PCDHA4: variants seen among roughly 807,000 people sequenced by gnomAD.
The protein encoded by PCDHA4 is protocadherin alpha 4.
PCDHA4 carries 49 observed loss-of-function variants against 61.4 expected under a neutral mutation model. The observed-to-expected ratio is 0.80, with a 90% CI of 0.63 to 1.01. The LOEUF (loss-of-function observed/expected upper bound fraction) is 1.01, where lower values mean the gene tolerates loss of function less well. PCDHA4 is among the 50% of genes least tolerant of loss of function. PCDHA4 has a pLI of 0.00. For synonymous variants in PCDHA4, 590 were observed against 550.3 expected (o/e 1.07, Z -1.01); for missense variants, 1,254 against 1,235.8 (o/e 1.01, Z -0.22).
intron 1 of PCDHA4, among the ~76,000 whole-genome samples, chr5:140,910,377 C>T (rs1053075333): frequency 6.6e-6 from 1 of 152,244 alleles, no homozygotes; most frequent in East Asian, 1.9e-4. Flanking sequence ...GCCCACCTTG[C>T]CTTTGACAGT....
intron 1 of PCDHA4, chr5:140,862,835 G>T (rs781856164): frequency 3.5e-6 from 2 of 575,630 alleles, no homozygotes; most frequent in African/African-American, 1.9e-5. Flanking sequence ...CGCGACGCGG[G>T]CATGCCGCCT....
chr5:140,823,856 A>T (rs2150129762), intron 1 of PCDHA4: 3 of 1,613,758 alleles, frequency 1.9e-6, no homozygotes, highest in South Asian at 2.2e-5. Context: ...GCCCTGGTGG[A>T]TGTCAACGTG....
chr5:140,889,434 G>T (rs1349291699), intron 1 of PCDHA4, among the ~76,000 whole-genome samples: 1 of 151,774 alleles, frequency 6.6e-6, no homozygotes, highest in African/African-American at 2.4e-5. Context: ...ATTTTTTCAG[G>T]TATTTTCCTG....
chr5:140,812,090 T>C (rs1554125900), intron 1 of PCDHA4: 1 of 152,076 alleles, frequency 6.6e-6, no homozygotes, highest in Non-Finnish European at 1.5e-5. Context: ...CAATTATCAT[T>C]GATTCTTCTT....
intron 1 of PCDHA4, among the ~76,000 whole-genome samples, chr5:140,952,530 A>T (rs246033): frequency 6.6e-6 from 1 of 151,882 alleles, no homozygotes; most frequent in Non-Finnish European, 1.5e-5. Context: ...ACCTCCTCAG[A>T]CTGGACTTCT....
intron 1 of PCDHA4, chr5:140,967,846 C>A: frequency 6.2e-7 from 1 of 1,614,166 alleles, no homozygotes; most frequent in Non-Finnish European, 8.5e-7. Context: ...ACGTGAATGA[C>A]AATGCCCCAG....
intron 1 of PCDHA4, chr5:140,882,074 G>C (rs1276421996): frequency 1.1e-6 from 1 of 886,834 alleles, no homozygotes. Context: ...CATGCGCATG[G>C]TGTCGCTCTT....
chr5:140,965,012 C>T (rs1405445486), intron 1 of PCDHA4, among the ~76,000 whole-genome samples: 2 of 152,188 alleles, frequency 1.3e-5, no homozygotes, highest in African/African-American at 4.8e-5. Flanking sequence ...GTCAGGATCA[C>T]AACCTTGGCT....
Position 140,809,166 on chromosome 5 carries a change from C to G in PCDHA4, c.1979C>G (p.Thr660Arg). 6.2e-7 allele frequency: 1 copy of G among 1,613,942 alleles called. No individual in the cohort carries two copies. The highest frequency in any genetic ancestry group is 8.5e-7 in the Non-Finnish European group (1 of 1,179,932). ...AAGGACCACGGCGAGCCCGCGCTGA[C>G]GGCCACGGCCACTGTGCTGGTGTCA... The part of the protein sequence containing the change: ...LVKDHGEPAL[T>R]ATATVLVSLV... The change falls in exon 1 of 4, where the codon ACG (threonine) becomes AGG (arginine). Residue 660 changes from threonine (T) to arginine (R), a missense_variant. Physicochemically the swap from Thr to Arg is moderately conservative, Grantham distance 71. Transcript: ENST00000530339.
At chr5:140,916,367 C>T (rs1400347792) in intron 1 of PCDHA4, among the ~76,000 whole-genome samples, 2 of 152,196 alleles carry the variant, frequency 1.3e-5, no homozygotes, top group Non-Finnish European at 1.5e-5. Context: ...GAGTCTTTCA[C>T]TGTAGCCACC....
intron 1 of PCDHA4, among the ~76,000 whole-genome samples, chr5:140,960,097 T>C (rs2095526762): frequency 6.6e-6 from 1 of 152,232 alleles, no homozygotes. Context: ...AAGAAACTTG[T>C]AGTTGTGGGA....
Position 140,808,381 on chromosome 5 carries a change from G to A in PCDHA4, c.1194G>A (p.Val398=). Residue 398 remains valine (V), a synonymous_variant, in exon 1 of 4, where the codon GTG becomes GTA. Coordinates refer to ENST00000530339, the MANE Select transcript of PCDHA4 (RefSeq NM_018907.4). ...SLTSHVPFKL[V]STFKNYYSLV... ...CGTCCCACGTCCCCTTCAAGCTGGT[G>A]TCCACCTTCAAGAATTACTACTCGT... 6.2e-7 allele frequency: 1 copy of A among 1,614,168 alleles called. No individual in the cohort carries two copies. Among genetic ancestry groups the A allele is most frequent in the Non-Finnish European group, 8.5e-7 (1 of 1,180,042 alleles).
At chr5:140,927,089 TC>T in intron 1 of PCDHA4, 1 of 1,612,460 alleles carries the variant, frequency 6.2e-7, no homozygotes, top group Non-Finnish European at 8.5e-7. Context: ...GAGCTCTACT[TC>T]GGGGTGGATC....
At position 140,835,855 on chromosome 5, in the gene PCDHA4, C is replaced by T. The variant is rs2150246728; in HGVS notation, c.2385+26283C>T. On this transcript the variant is annotated intron_variant, in intron 1 of 3. Coordinates refer to ENST00000530339, the MANE Select transcript of PCDHA4 (RefSeq NM_018907.4). ...GACGCGCAGAAGAACGCGCTGGTGT[C>T]CTACTCGCTGGTGGAGCTGCGGGTG... 9.9e-6 allele frequency: 16 copies of T among 1,612,246 alleles called. 1 individual carries two copies. In the East Asian group the frequency reaches 3.6e-4, roughly 36 times the overall value.
At chr5:140,852,705 T>C in intron 1 of PCDHA4, 1 of 979,478 alleles carries the variant, frequency 1.0e-6, no homozygotes, top group Non-Finnish European at 1.2e-6. Context: ...TTCAAGTATC[T>C]TTGTCTTTGC....
chr5:140,816,713 T>C (rs1414533262), intron 1 of PCDHA4: 2 of 152,204 alleles, frequency 1.3e-5, no homozygotes, highest in African/African-American at 4.8e-5. Context: ...CTAGAGATTC[T>C]AGGGACCTCT....
At chr5:140,867,227 T>C (rs73793506) in intron 1 of PCDHA4, 1 of 152,106 alleles carries the variant, frequency 6.6e-6, no homozygotes, top group African/African-American at 2.4e-5. Context: ...CCAATTCCCA[T>C]AATAAGGTGA....
At chr5:140,968,540 G>A (rs1554230842) in intron 1 of PCDHA4, 8 of 1,614,064 alleles carry the variant, frequency 5.0e-6, no homozygotes, top group Non-Finnish European at 1.7e-6. Context: ...AGCAGCCTTC[G>A]AGATGGTGCC....
At position 140,807,903 on chromosome 5, in the gene PCDHA4, C is replaced by T. The variant is rs782791250; in HGVS notation, c.716C>T (p.Ala239Val). 1.9e-6 allele frequency: 3 copies of T among 1,614,014 alleles called. No individual in the cohort carries two copies. Among genetic ancestry groups the T allele is most frequent in the East Asian group, 2.2e-5 (1 of 44,890 alleles). ...ACAGTACTGGATGCCAATGACAATGCCCCAGCTTTTGACAGAACCATTTAT... is the reference window on the plus strand; with the variant it reads ...ACAGTACTGGATGCCAATGACAATGTCCCAGCTTTTGACAGAACCATTTAT... ...LITVLDANDNAPAFDRTIYKV... is the reference protein window; with the variant it reads ...LITVLDANDNVPAFDRTIYKV... Residue 239 changes from alanine (A) to valine (V), a missense_variant, in exon 1 of 4, where the codon GCC becomes GTC. Coordinates refer to ENST00000530339, the MANE Select transcript of PCDHA4 (RefSeq NM_018907.4).
Sources: allele counts gnomAD v4.1 joint callset (sites outside exome capture counted in the v4.1 genomes callset), GRCh38; gene constraint gnomAD v4.1.1; transcripts MANE v1.5; gene names NCBI Gene and HGNC (gene_info 2026-07-23, HGNC 2026-07-21).